The following POMT2 variants were observed in gnomAD, a reference collection of about 807,000 sequenced individuals.
The protein encoded by POMT2 is protein O-mannosyl-transferase 2.
Under a neutral mutation model 100.0 loss-of-function variants are expected in POMT2, and 75 were observed. The observed-to-expected ratio is 0.75, with a 90% confidence interval of 0.62 to 0.91. The LOEUF (loss-of-function observed/expected upper bound fraction) is 0.91. Among genes scored for constraint, POMT2 ranks in the 40% least tolerant of loss-of-function variants. POMT2 has a pLI of 0.00. For missense variants in POMT2, 940 were observed against 955.1 expected (o/e 0.98, Z 0.21); for synonymous variants, 378 against 374.1 (o/e 1.01, Z -0.12).
At chr14:77,304,591 C>T in intron 4 of POMT2, 101 bp downstream of exon 4, 1 of 1,524,392 alleles carries the variant, frequency 6.6e-7, no homozygotes, top group Non-Finnish European at 8.8e-7. Context: ...ATTAATTGAA[C>T]TGGACCCACA....
intron 1 of POMT2, among the ~76,000 whole-genome samples, chr14:77,317,776 T>C (rs889342125): frequency 6.6e-6 from 1 of 152,254 alleles, no homozygotes; most frequent in Non-Finnish European, 1.5e-5. Context: ...CCATGATTCA[T>C]CTTTCTTCCC....
At chr14:77,286,947 T>C in intron 11 of POMT2, 125 bp from the exon 12 acceptor site, 2 of 1,531,376 alleles carry the variant, frequency 1.3e-6, no homozygotes, top group Non-Finnish European at 1.8e-6. Context: ...AACTATTAAA[T>C]CCAACATATC....
At chr14:77,283,241 C>T (rs751346610) in intron 15 of POMT2, among the ~76,000 whole-genome samples, 5 of 152,248 alleles carry the variant, frequency 3.3e-5, no homozygotes, top group Non-Finnish European at 5.9e-5. Context: ...AGCTATCCAT[C>T]CTAACTGATC....
At chr14:77,298,153 C>T (rs1890894064) in intron 8 of POMT2, among the ~76,000 whole-genome samples, 1 of 152,144 alleles carries the variant, frequency 6.6e-6, no homozygotes, top group African/African-American at 2.4e-5. Flanking sequence ...GGCCTGACTC[C>T]AAGGCAACCC....
chr14:77,280,344 T>G, intron 16 of POMT2, 48 bp downstream of exon 16: 1 of 1,609,456 alleles, frequency 6.2e-7, no homozygotes, highest in African/African-American at 1.3e-5. Context: ...CTCCCTGCTC[T>G]TGTTCTTGGC....
chr14:77,283,744 A>C (rs147755955), intron 15 of POMT2, 53 bp downstream of exon 15: 1 of 1,466,330 alleles, frequency 6.8e-7, no homozygotes, highest in African/African-American at 1.4e-5. Flanking sequence ...ATCCAAATTC[A>C]TGGCTGCCCA....
chr14:77,312,848 C>T (rs1228252209), intron 1 of POMT2, among the ~76,000 whole-genome samples: 1 of 152,196 alleles, frequency 6.6e-6, no homozygotes, highest in Non-Finnish European at 1.5e-5. Flanking sequence ...TTTGCTCAGC[C>T]ACCCTGTGAC....
chr14:77,291,610 C>G, intron 9 of POMT2: 1 of 624,218 alleles, frequency 1.6e-6, no homozygotes. Flanking sequence ...CCACAAGAGC[C>G]TTTTTGTTTC....
chr14:77,291,056 ATC>A, intron 10 of POMT2, among the ~76,000 whole-genome samples: 1 of 144,246 alleles, frequency 6.9e-6, no homozygotes, highest in South Asian at 2.3e-4. Flanking sequence ...GGGCTCCGCT[ATC>A]TGTCTTCAAA....
intron 9 of POMT2, among the ~76,000 whole-genome samples, chr14:77,291,861 C>T (rs1890653430): frequency 6.6e-6 from 1 of 152,070 alleles, no homozygotes; most frequent in Non-Finnish European, 1.5e-5. Context: ...GGTGAAACCC[C>T]GTCTTTACTA....
At chr14:77,307,102 ATCGGCCGTG>A (rs1239193494) in intron 2 of POMT2, among the ~76,000 whole-genome samples, 1 of 152,244 alleles carries the variant, frequency 6.6e-6, no homozygotes, top group Admixed American at 6.5e-5. Flanking sequence ...CTTTGACAAG[ATCGGCCGTG>A]TCTTTTGTAT....
Position 77,280,052 on chromosome 14 carries a change from G to A in POMT2, c.1754C>T (p.Thr585Ile), listed in dbSNP as rs797019891. ...QGLRFSGVND[T>I]DFRVYLLGNP... ...GCCAAGCAGATAGACTCGGAAATCTGTGTCATTGACCCCTGAGAAGCGTAG... is the reference window on the plus strand; with the variant it reads ...GCCAAGCAGATAGACTCGGAAATCTATGTCATTGACCCCTGAGAAGCGTAG... The change falls in exon 17 of 21, where the codon ACA becomes ATA. Residue 585 changes from threonine (T) to isoleucine (I), a missense_variant. Physicochemically the swap from Thr to Ile is moderately conservative, Grantham distance 89. Transcript: ENST00000261534. 1.9e-6 allele frequency: 3 copies of A among 1,613,900 alleles called. No homozygotes were observed. The highest frequency in any genetic ancestry group is 2.5e-6 in the Non-Finnish European group (3 of 1,180,012).
chr14:77,278,920 T>C (rs1359953434), intron 18 of POMT2, 51 bp from the exon 19 acceptor site: 1 of 1,586,250 alleles, frequency 6.3e-7, no homozygotes, highest in African/African-American at 1.3e-5. Context: ...GGGCAGAGAT[T>C]CCAGGCTCTG....
rs1310958920 is a variant in POMT2 at position 77,320,822 on chromosome 14, G to A, written c.-141C>T. The A allele has an allele frequency of 2.9e-6, 4 of 1,373,896 alleles. No homozygotes were observed. The highest frequency in any genetic ancestry group is 3.7e-6 in the Non-Finnish European group (4 of 1,069,354). The allele number at this position is 1,373,896 out of a possible 1,614,324, so 85.1% of individuals were successfully genotyped here. The stretch of plus-strand genomic sequence containing the variant: ...CACTGCAGCGGAGCGCGGGGCCCCG[G>A]GCTCGGGGCGGGGCGGGCAGCGTGG... On this transcript the variant is annotated 5_prime_UTR_variant, in exon 1 of 21. Transcript: ENST00000261534.
Position 77,284,979 on chromosome 14 carries a change from C to T in POMT2, c.1547G>A (p.Trp516Ter). 1 of 1,613,114 alleles carries T rather than the reference C, an allele frequency of 6.2e-7. No individual in the cohort carries two copies. Among genetic ancestry groups the T allele is most frequent in the Non-Finnish European group, 8.5e-7 (1 of 1,179,066 alleles). Residue 516 changes from tryptophan (W) to a stop codon, truncating the protein, a stop_gained, in exon 14 of 21, where the codon TGG (tryptophan) becomes TAG (stop). Coordinates refer to ENST00000261534, the MANE Select transcript of POMT2 (RefSeq NM_013382.7). LOFTEE classifies it high-confidence loss of function. The stretch of plus-strand genomic sequence containing the variant: ...GGGATTGATATGGTCCTCCACATTC[C>T]AGATGGAGTTGAGGGTTTCTTTCAG... ...PYLKETLNSIWNVEDHINPKL... is the reference protein window; with the variant it reads ...PYLKETLNSI
chr14:77,304,563 A>G, intron 4 of POMT2, 129 bp downstream of exon 4: 1 of 1,456,762 alleles, frequency 6.9e-7, no homozygotes, highest in Non-Finnish European at 9.3e-7. Flanking sequence ...TTTGTAGTAC[A>G]TTTTACCCAA....
chr14:77,282,146 A>T (rs557614748), intron 15 of POMT2, among the ~76,000 whole-genome samples: 1 of 152,240 alleles, frequency 6.6e-6, no homozygotes, highest in Non-Finnish European at 1.5e-5. Flanking sequence ...CAAATTGTAC[A>T]GTTTGGTCCC....
At chr14:77,294,727 T>G (rs1341411068) in intron 9 of POMT2, among the ~76,000 whole-genome samples, 1 of 152,212 alleles carries the variant, frequency 6.6e-6, no homozygotes, top group Non-Finnish European at 1.5e-5. Flanking sequence ...TTGTGAGGCC[T>G]CCCCAGCCAT....
intron 4 of POMT2, 111 bp from the exon 5 acceptor site, chr14:77,303,054 G>T: frequency 2.4e-6 from 2 of 817,464 alleles, no homozygotes; most frequent in Non-Finnish European, 2.1e-6. Flanking sequence ...TTGAGTGTAA[G>T]CACTTGTGCA....
Sources: gnomAD v4.1 joint callset for allele counts (sites outside exome capture counted in the v4.1 genomes callset) on GRCh38, gnomAD v4.1.1 for gene constraint, MANE v1.5 for transcripts, NCBI Gene and HGNC (gene_info 2026-07-23, HGNC 2026-07-21) for gene names.